Variants in MDGA2 observed in about 807,000 individuals in gnomAD.
The protein encoded by MDGA2 is MAM domain-containing glycosylphosphatidylinositol anchor protein 2.
In MDGA2, 40 loss-of-function variants were observed where a neutral mutation model predicts 117.8. That is an observed-to-expected ratio of 0.34 (90% CI 0.26 to 0.44). The LOEUF (loss-of-function observed/expected upper bound fraction) is 0.44. Ranked by LOEUF, MDGA2 falls within the 20% of genes least tolerant of loss-of-function variation. The pLI is 1.00. For synonymous variants in MDGA2, 452 were observed against 439.0 expected (o/e 1.03, Z -0.37); for missense variants, 1,123 against 1,250.6 (o/e 0.90, Z 1.54).
At chr14:46,980,187 A>G (rs1886617273) in intron 8 of MDGA2, among the ~76,000 whole-genome samples, 2 of 152,218 alleles carry the variant, frequency 1.3e-5, no homozygotes, top group African/African-American at 4.8e-5. Context: ...CAAAATATCA[A>G]CACTAACAGG....
intron 2 of MDGA2, among the ~76,000 whole-genome samples, chr14:47,282,050 G>GA (rs1255955701): frequency 0.27 from 33,110 of 123,890 alleles, 4,668 homozygotes; most frequent in Non-Finnish European, 0.34. Flanking sequence ...TCCGTCTCGG[G>GA]AAAAAAAAAA....
At chr14:47,094,298 A>C (rs1879837891) in intron 6 of MDGA2, among the ~76,000 whole-genome samples, 1 of 152,092 alleles carries the variant, frequency 6.6e-6, no homozygotes, top group African/African-American at 2.4e-5. Flanking sequence ...GAAATCATAA[A>C]ATTGAAGAAA....
chr14:47,201,347 C>T (rs1885499722), intron 3 of MDGA2, among the ~76,000 whole-genome samples: 1 of 152,188 alleles, frequency 6.6e-6, no homozygotes, highest in Non-Finnish European at 1.5e-5. Flanking sequence ...GCAACACTCT[C>T]ACAAAAGTAT....
At chr14:47,296,826 T>C (rs1889090848) in intron 2 of MDGA2, among the ~76,000 whole-genome samples, 1 of 152,204 alleles carries the variant, frequency 6.6e-6, no homozygotes. Flanking sequence ...AGTAATTTCA[T>C]GATGAAGGAC....
intron 1 of MDGA2, among the ~76,000 whole-genome samples, chr14:47,348,938 A>G (rs1327331267): frequency 6.6e-6 from 1 of 152,228 alleles, no homozygotes; most frequent in Non-Finnish European, 1.5e-5. Flanking sequence ...AATATTTCCT[A>G]TGTACTGAGA....
intron 1 of MDGA2, among the ~76,000 whole-genome samples, chr14:47,322,899 T>C (rs978640077): frequency 1.3e-5 from 2 of 152,020 alleles, no homozygotes; most frequent in Non-Finnish European, 2.9e-5. Flanking sequence ...CAACCATAAC[T>C]GGAATCGCCA....
At chr14:47,542,549 T>C (rs1412270504) in intron 1 of MDGA2, among the ~76,000 whole-genome samples, 2 of 152,210 alleles carry the variant, frequency 1.3e-5, no homozygotes, top group Non-Finnish European at 2.9e-5. Context: ...ATTTTAGTGA[T>C]ATTTATACTC....
At chr14:47,340,124 G>A (rs925210839) in intron 1 of MDGA2, among the ~76,000 whole-genome samples, 5 of 152,024 alleles carry the variant, frequency 3.3e-5, no homozygotes, top group Non-Finnish European at 7.4e-5. Context: ...CTGGCTACTC[G>A]GAGAGGCCTT....
chr14:47,615,946 TG>T (rs1896941090), intron 1 of MDGA2, among the ~76,000 whole-genome samples: 2 of 152,008 alleles, frequency 1.3e-5, no homozygotes, highest in South Asian at 4.2e-4. Flanking sequence ...CTAGCATGGG[TG>T]GGGCTGGAAA....
chr14:47,618,392 C>T (rs1566543943), intron 1 of MDGA2, among the ~76,000 whole-genome samples: 2 of 152,146 alleles, frequency 1.3e-5, no homozygotes, highest in South Asian at 4.1e-4. Flanking sequence ...CATCTGCATG[C>T]TCCTCATTAT....
chr14:46,910,442 AGT>A (rs928184664), intron 10 of MDGA2, among the ~76,000 whole-genome samples: 32 of 152,206 alleles, frequency 2.1e-4, no homozygotes, highest in Middle Eastern at 3.4e-3. Context: ...TTCAAGGTAA[AGT>A]TTAACTTCTT....
At chr14:46,883,435 G>A (rs977749576) in intron 10 of MDGA2, among the ~76,000 whole-genome samples, 5 of 151,954 alleles carry the variant, frequency 3.3e-5, no homozygotes, top group Non-Finnish European at 7.4e-5. Context: ...AAGGGAACTT[G>A]ATTAATCTGA....
intron 1 of MDGA2, among the ~76,000 whole-genome samples, chr14:47,361,559 T>G (rs1020318933): frequency 6.6e-6 from 1 of 152,112 alleles, no homozygotes; most frequent in Admixed American, 6.5e-5. Flanking sequence ...TTAAAGTATG[T>G]TGCTTTCACC....
chr14:47,158,715 A>C (rs1486019147), intron 3 of MDGA2, among the ~76,000 whole-genome samples: 3 of 152,182 alleles, frequency 2.0e-5, no homozygotes, highest in Non-Finnish European at 4.4e-5. Flanking sequence ...TCGGCCTCCC[A>C]AAGTGCTGGG....
At chr14:47,596,801 C>T (rs571376354) in intron 1 of MDGA2, among the ~76,000 whole-genome samples, 2 of 152,048 alleles carry the variant, frequency 1.3e-5, no homozygotes, top group Non-Finnish European at 2.9e-5. Context: ...TTGTTATTCC[C>T]CTTTGTGCAG....
At chr14:47,331,136 T>C (rs1345103673) in intron 1 of MDGA2, among the ~76,000 whole-genome samples, 1 of 151,650 alleles carries the variant, frequency 6.6e-6, no homozygotes, top group African/African-American at 2.4e-5. Context: ...TAGAGATCAA[T>C]GAAAAGTTAA....
chr14:47,557,549 T>TAGGAAAGGGAGGGG (rs1895708012), intron 1 of MDGA2, among the ~76,000 whole-genome samples: 1 of 152,028 alleles, frequency 6.6e-6, no homozygotes, highest in Non-Finnish European at 1.5e-5. Flanking sequence ...CAACATCTGG[T>TAGGAAAGGGAGGGG]AGGAAAGGGA....
At chr14:47,664,650 A>G (rs1275893939) in intron 1 of MDGA2, among the ~76,000 whole-genome samples, 1 of 152,218 alleles carries the variant, frequency 6.6e-6, no homozygotes, top group African/African-American at 2.4e-5. Context: ...GCTGTCTTGC[A>G]CTGTAATAAA....
intron 8 of MDGA2, among the ~76,000 whole-genome samples, chr14:47,027,079 T>A (rs1888500680): frequency 6.6e-6 from 1 of 151,900 alleles, no homozygotes; most frequent in East Asian, 1.9e-4. Flanking sequence ...AGGTTGAGGA[T>A]CGCCTGGGCC....
Sources: allele counts gnomAD v4.1 joint callset (sites outside exome capture counted in the v4.1 genomes callset), GRCh38; gene constraint gnomAD v4.1.1; transcripts MANE v1.5; gene names NCBI Gene and HGNC (gene_info 2026-07-23, HGNC 2026-07-21).